The following EXOSC10 variants were observed in gnomAD, a reference collection of about 807,000 sequenced individuals.
The protein encoded by EXOSC10 is exosome complex component 10.
In EXOSC10, 94 loss-of-function variants were observed where a neutral mutation model predicts 126.6. The observed-to-expected ratio is 0.74, with a 90% CI of 0.63 to 0.88. The LOEUF (loss-of-function observed/expected upper bound fraction) is 0.88, where lower values mean the gene tolerates loss of function less well. Among genes scored for constraint, EXOSC10 ranks in the 40% least tolerant of loss-of-function variants. EXOSC10 has a pLI of 0.00. For missense variants in EXOSC10, 1,041 were observed against 1,100.5 expected (o/e 0.95, Z 0.77); for synonymous variants, 395 against 400.8 (o/e 0.99, Z 0.17).
intron 7 of EXOSC10, 37 bp from the exon 8 acceptor site, chr1:11,087,947 T>C (rs1271118050): frequency 3.6e-6 from 5 of 1,375,640 alleles, no homozygotes; most frequent in Admixed American, 3.6e-5. Flanking sequence ...GGGAGGAATA[T>C]AGAAATCATC....
At chr1:11,067,983 G>A (rs1334044772) in intron 24 of EXOSC10, 25 bp downstream of exon 24, 2 of 1,610,150 alleles carry the variant, frequency 1.2e-6, no homozygotes, top group Non-Finnish European at 1.7e-6. Flanking sequence ...GGGCTCCCTG[G>A]GCCACACCGC....
At chr1:11,096,182 C>T (rs1392103646) in intron 2 of EXOSC10, among the ~76,000 whole-genome samples, 3 of 151,960 alleles carry the variant, frequency 2.0e-5, no homozygotes, top group Non-Finnish European at 4.4e-5. Flanking sequence ...TGAGGTTTTG[C>T]CATGTTGGCC....
At chr1:11,082,470 T>A in intron 10 of EXOSC10, 2 of 1,197,320 alleles carry the variant, frequency 1.7e-6, no homozygotes, top group Non-Finnish European at 2.2e-6. Flanking sequence ...ACTATTTCCA[T>A]GGAACACAGT....
Position 11,081,013 on chromosome 1 carries a change from T to G in EXOSC10, c.1437+69A>C, listed in dbSNP as rs574989495. ...TTTTCATGAATGTAAGGAGCAAACC[T>G]AAGAACTAGAACCTGGCCAGACACA... is the stretch of plus-strand genomic sequence containing the variant. On this transcript the variant is annotated intron_variant, in intron 11 of 24. Coordinates refer to ENST00000376936, the MANE Select transcript of EXOSC10 (RefSeq NM_001001998.3). The G allele has an allele frequency of 1.9e-6, 3 of 1,592,532 alleles. No individual in the cohort carries two copies. In the African/African-American group the frequency reaches 4.0e-5, roughly 21 times the overall value.
At chr1:11,066,882 G>C (rs1489068706) in intron 24 of EXOSC10, 134 bp from the exon 25 acceptor site, 19 of 1,018,546 alleles carry the variant, frequency 1.9e-5, no homozygotes, top group South Asian at 1.6e-4. Context: ...CAGAGAACTC[G>C]GCGGCCCACC....
At chr1:11,096,370 C>T (rs369091353) in intron 2 of EXOSC10, among the ~76,000 whole-genome samples, 14 of 151,550 alleles carry the variant, frequency 9.2e-5, no homozygotes, top group African/African-American at 3.1e-4. Context: ...AGGCTGGTCT[C>T]GAACTCTTGA....
intron 12 of EXOSC10, 106 bp downstream of exon 12, chr1:11,080,658 G>A: frequency 1.9e-6 from 3 of 1,602,870 alleles, no homozygotes; most frequent in East Asian, 2.2e-5. Flanking sequence ...CTGTCACATA[G>A]GGGAAATAAC....
intron 5 of EXOSC10, 101 bp from the exon 6 acceptor site, chr1:11,090,769 T>G (rs1489572998): frequency 2.2e-6 from 2 of 922,990 alleles, no homozygotes; most frequent in Admixed American, 2.8e-5. Flanking sequence ...CTTTTTTTTT[T>G]GAGACAGGGT....
chr1:11,077,271 A>G (rs1447162796), intron 16 of EXOSC10, 94 bp downstream of exon 16: 28 of 1,323,382 alleles, frequency 2.1e-5, no homozygotes, highest in Non-Finnish European at 2.7e-5. Context: ...CATTACAGGC[A>G]TAAGCCACCA....
At chr1:11,086,576 T>A (rs1451352619) in intron 9 of EXOSC10, among the ~76,000 whole-genome samples, 1 of 152,072 alleles carries the variant, frequency 6.6e-6, no homozygotes, top group African/African-American at 2.4e-5. Context: ...GAAGTAAAGC[T>A]CTCCTCAGCA....
At position 11,073,996 on chromosome 1, in the gene EXOSC10, G is replaced by C. The variant is rs1290702626; in HGVS notation, c.2095C>G (p.Leu699Val). 1.9e-6 allele frequency: 3 copies of C among 1,613,550 alleles called. No individual in the cohort carries two copies. Among genetic ancestry groups the C allele is most frequent in the East Asian group, 4.5e-5 (2 of 44,870 alleles). The change falls in exon 19 of 25, where the codon CTG (leucine) becomes GTG (valine). Residue 699 changes from leucine to valine, a missense_variant. Physicochemically the swap from Leu to Val is conservative, Grantham distance 32. Coordinates refer to ENST00000376936, the MANE Select transcript of EXOSC10 (RefSeq NM_001001998.3). ...TGAGAGACGGGAGCACGGTGTCCCAGTGAGGGCAGAAACTGGAGGAAGGAA... is the reference window on the plus strand; with the variant it reads ...TGAGAGACGGGAGCACGGTGTCCCACTGAGGGCAGAAACTGGAGGAAGGAA... Reference protein sequence around the residue: ...ENPFRMFLPSLGHRAPVSQAA... With the variant: ...ENPFRMFLPSVGHRAPVSQAA...
chr1:11,069,777 G>T, intron 21 of EXOSC10, 47 bp from the exon 22 acceptor site: 2 of 1,598,458 alleles, frequency 1.3e-6, no homozygotes, highest in South Asian at 1.1e-5. Context: ...AGGCACATGG[G>T]AACAGGGAAC....
At chr1:11,084,924 G>A (rs542338260) in intron 9 of EXOSC10, among the ~76,000 whole-genome samples, 2 of 152,294 alleles carry the variant, frequency 1.3e-5, no homozygotes, top group East Asian at 3.9e-4. Context: ...GTTTGTCAAA[G>A]ATCAGATAGT....
intron 19 of EXOSC10, among the ~76,000 whole-genome samples, chr1:11,073,330 C>T (rs1639618025): frequency 6.6e-6 from 1 of 151,578 alleles, no homozygotes; most frequent in Non-Finnish European, 1.5e-5. Context: ...GACGGGGTTT[C>T]ACCATGTTAG....
At chr1:11,086,537 T>C (rs2100208348) in intron 9 of EXOSC10, among the ~76,000 whole-genome samples, 2 of 152,272 alleles carry the variant, frequency 1.3e-5, no homozygotes, top group East Asian at 3.9e-4. Flanking sequence ...GCTAGCGGTC[T>C]ATCAATTCCA....
At chr1:11,098,913 G>A (rs759806017) in intron 1 of EXOSC10, among the ~76,000 whole-genome samples, 13 of 152,206 alleles carry the variant, frequency 8.5e-5, no homozygotes, top group Admixed American at 2.6e-4. Context: ...AGAGAAAGGA[G>A]GTGGGAAATT....
At chr1:11,095,987 TC>T in intron 2 of EXOSC10, 106 bp from the exon 3 acceptor site, 7 of 1,072,098 alleles carry the variant, frequency 6.5e-6, no homozygotes, top group African/African-American at 1.6e-5. Context: ...TCCCAACACA[TC>T]TTTTTTTTTT....
At chr1:11,099,663 A>T in intron 1 of EXOSC10, 58 bp downstream of exon 1, 12 of 1,503,732 alleles carry the variant, frequency 8.0e-6, no homozygotes, top group Non-Finnish European at 1.1e-5. Context: ...CAGAGGGCCC[A>T]GTCGGCTTCC....
chr1:11,074,154 T>C (rs1639683502), intron 18 of EXOSC10, 77 bp downstream of exon 18: 1 of 1,434,948 alleles, frequency 7.0e-7, no homozygotes, highest in Non-Finnish European at 9.8e-7. Flanking sequence ...CTTCAGAGGC[T>C]TCCTTCCCAG....
Sources: gnomAD v4.1 joint callset for allele counts (sites outside exome capture counted in the v4.1 genomes callset) on GRCh38, gnomAD v4.1.1 for gene constraint, MANE v1.5 for transcripts, NCBI Gene and HGNC (gene_info 2026-07-23, HGNC 2026-07-21) for gene names.